Variants in GRIA4 observed in about 807,000 individuals in gnomAD.
GRIA4 encodes glutamate receptor 4.
Under a neutral mutation model 104.0 loss-of-function variants are expected in GRIA4, and 34 were observed. The observed-to-expected ratio is 0.33, with a 90% CI of 0.25 to 0.44. The LOEUF (loss-of-function observed/expected upper bound fraction) is 0.44, where lower values mean the gene tolerates loss of function less well. Among genes scored for constraint, GRIA4 ranks in the 20% least tolerant of loss-of-function variants. The probability of loss-of-function intolerance (pLI) is 1.00; values close to 1 mark genes in which losing one functional copy is unlikely to be tolerated. For synonymous variants in GRIA4, 386 were observed against 381.9 expected (o/e 1.01, Z -0.13); for missense variants, 750 against 1,096.5 (o/e 0.68, Z 4.46).
chr11:105,762,905 A>C (rs1294865655), intron 4 of GRIA4, among the ~76,000 whole-genome samples: 1 of 152,172 alleles, frequency 6.6e-6, no homozygotes, highest in Non-Finnish European at 1.5e-5. Context: ...TAATACATAG[A>C]TCAACTGTTT....
At chr11:105,777,152 TGTAA>T (rs1312511341) in intron 4 of GRIA4, among the ~76,000 whole-genome samples, 7 of 152,236 alleles carry the variant, frequency 4.6e-5, no homozygotes, top group African/African-American at 1.7e-4. Context: ...ATTGAGATTA[TGTAA>T]GTGATTCTAA....
intron 4 of GRIA4, among the ~76,000 whole-genome samples, chr11:105,764,010 C>T (rs2135723728): frequency 6.6e-6 from 1 of 152,188 alleles, no homozygotes; most frequent in East Asian, 1.9e-4. Flanking sequence ...CTTAAAATAC[C>T]CAAACACAAT....
At chr11:105,802,942 C>T (rs1942786535) in intron 4 of GRIA4, among the ~76,000 whole-genome samples, 2 of 151,684 alleles carry the variant, frequency 1.3e-5, no homozygotes, top group African/African-American at 4.8e-5. Flanking sequence ...TACAATAGTG[C>T]TATTCAATAT....
intron 3 of GRIA4, among the ~76,000 whole-genome samples, chr11:105,742,675 C>T (rs868201601): frequency 1.3e-5 from 2 of 151,824 alleles, no homozygotes; most frequent in African/African-American, 4.8e-5. Flanking sequence ...TTTGCAGATA[C>T]ATTTAGCATT....
intron 5 of GRIA4, among the ~76,000 whole-genome samples, chr11:105,863,458 C>T (rs1368023084): frequency 6.6e-6 from 1 of 151,826 alleles, no homozygotes; most frequent in Non-Finnish European, 1.5e-5. Flanking sequence ...AAAGCCTATA[C>T]ATTACTCGGG....
At chr11:105,721,702 C>T (rs948312541) in intron 3 of GRIA4, among the ~76,000 whole-genome samples, 1 of 152,134 alleles carries the variant, frequency 6.6e-6, no homozygotes, top group African/African-American at 2.4e-5. Context: ...AATTATTAAT[C>T]CTGAACTTTA....
chr11:105,775,552 C>A (rs1941412336), intron 4 of GRIA4, among the ~76,000 whole-genome samples: 1 of 151,782 alleles, frequency 6.6e-6, no homozygotes, highest in East Asian at 1.9e-4. Flanking sequence ...AATTAACAGG[C>A]AAATGACAGC....
intron 14 of GRIA4, among the ~76,000 whole-genome samples, chr11:105,966,701 G>GT (rs11430319): frequency 0.65 from 98,083 of 151,670 alleles, 31,738 homozygotes; most frequent in Middle Eastern, 0.72. Context: ...TAAAATAATA[G>GT]TTTTTTTTAT....
At chr11:105,776,667 A>C (rs574539404) in intron 4 of GRIA4, among the ~76,000 whole-genome samples, 1 of 152,278 alleles carries the variant, frequency 6.6e-6, no homozygotes, top group South Asian at 2.1e-4. Context: ...AGGTCTAGAT[A>C]GAAGTTCCTT....
chr11:105,885,541 G>A (rs77874919), intron 5 of GRIA4, among the ~76,000 whole-genome samples: 33 of 152,338 alleles, frequency 2.2e-4, no homozygotes, highest in African/African-American at 7.5e-4. Flanking sequence ...TTGCCAGATT[G>A]GGTAGGCTGA....
At chr11:105,884,847 G>T (rs1296653664) in intron 5 of GRIA4, among the ~76,000 whole-genome samples, 2 of 152,164 alleles carry the variant, frequency 1.3e-5, no homozygotes, top group African/African-American at 4.8e-5. Flanking sequence ...AATTTTTACT[G>T]ATTCCACATC....
At chr11:105,726,469 A>G (rs934794280) in intron 3 of GRIA4, among the ~76,000 whole-genome samples, 3 of 152,128 alleles carry the variant, frequency 2.0e-5, no homozygotes, top group Admixed American at 2.0e-4. Context: ...GTGCACCTTC[A>G]GCAAACTTAA....
At chr11:105,620,973 T>C (rs1950729106) in intron 3 of GRIA4, among the ~76,000 whole-genome samples, 1 of 151,822 alleles carries the variant, frequency 6.6e-6, no homozygotes, top group South Asian at 2.1e-4. Context: ...AACACCATGC[T>C]ATCTCAAAAT....
At chr11:105,802,098 A>T (rs1241376345) in intron 4 of GRIA4, among the ~76,000 whole-genome samples, 1 of 152,102 alleles carries the variant, frequency 6.6e-6, no homozygotes, top group East Asian at 1.9e-4. Flanking sequence ...CACATCAAAG[A>T]GACTCATCAG....
chr11:105,652,890 C>A (rs1445320143), intron 3 of GRIA4, among the ~76,000 whole-genome samples: 1 of 152,040 alleles, frequency 6.6e-6, no homozygotes, highest in Non-Finnish European at 1.5e-5. Flanking sequence ...GGAACCTCGG[C>A]ATACATTTTT....
At chr11:105,636,442 C>T (rs1951203746) in intron 3 of GRIA4, among the ~76,000 whole-genome samples, 1 of 152,152 alleles carries the variant, frequency 6.6e-6, no homozygotes, top group African/African-American at 2.4e-5. Flanking sequence ...GTCTCCTTTA[C>T]TTTCCTTACC....
chr11:105,967,475 A>G (rs922280834), intron 14 of GRIA4, among the ~76,000 whole-genome samples: 3 of 152,198 alleles, frequency 2.0e-5, no homozygotes, highest in African/African-American at 7.2e-5. Context: ...GTCCAAAAGA[A>G]TAAATTTCTC....
intron 3 of GRIA4, among the ~76,000 whole-genome samples, chr11:105,686,224 A>G (rs924452174): frequency 6.6e-6 from 1 of 152,104 alleles, no homozygotes; most frequent in Non-Finnish European, 1.5e-5. Context: ...GTCTCCCTCC[A>G]TCTCTCCCTT....
chr11:105,798,262 T>C (rs991872452), intron 4 of GRIA4, among the ~76,000 whole-genome samples: 5 of 152,070 alleles, frequency 3.3e-5, no homozygotes, highest in Non-Finnish European at 7.4e-5. Context: ...AAGGAAAAGT[T>C]GAATCACATG....
Sources: allele counts gnomAD v4.1 joint callset (sites outside exome capture counted in the v4.1 genomes callset), GRCh38; gene constraint gnomAD v4.1.1; transcripts MANE v1.5; gene names NCBI Gene and HGNC (gene_info 2026-07-23, HGNC 2026-07-21).